Variants in PDGFRL observed in about 807,000 individuals in gnomAD.
The protein encoded by PDGFRL is platelet-derived growth factor receptor-like protein.
PDGFRL carries 46 observed loss-of-function variants against 37.2 expected under a neutral mutation model. The observed-to-expected ratio is 1.24, with a 90% confidence interval of 0.98 to 1.58. The LOEUF (loss-of-function observed/expected upper bound fraction) is 1.58. Among genes scored for constraint, PDGFRL ranks in the 40% most tolerant of loss-of-function variants. The probability of loss-of-function intolerance (pLI) is 0.00; values close to 1 mark genes in which losing one functional copy is unlikely to be tolerated. For synonymous variants in PDGFRL, 251 were observed against 184.3 expected (o/e 1.36, Z -2.93); for missense variants, 692 against 467.6 (o/e 1.48, Z -4.43).
chr8:17,627,521 C>G (rs1804757321), intron 3 of PDGFRL, among the ~76,000 whole-genome samples: 1 of 149,670 alleles, frequency 6.7e-6, no homozygotes, highest in South Asian at 2.1e-4. Flanking sequence ...GGCTGGAGTG[C>G]AGTGGCATGA....
chr8:17,609,634 TAAAAAAAAAAAAAAAAAAA>T (rs3040922), intron 2 of PDGFRL, among the ~76,000 whole-genome samples: 2 of 43,502 alleles, frequency 4.6e-5, no homozygotes, highest in East Asian at 2.1e-3. Context: ...TGAGACTCTG[TAAAAAAAAAAAAAAAAAAA>T]AAAAAAAAAA....
chr8:17,581,774 GCTT>G (rs1162517851), intron 1 of PDGFRL, among the ~76,000 whole-genome samples: 1 of 152,134 alleles, frequency 6.6e-6, no homozygotes, highest in Middle Eastern at 3.2e-3. Flanking sequence ...TTGGTTCCAT[GCTT>G]CTTGTACAGC....
chr8:17,612,528 A>T (rs757448116), intron 2 of PDGFRL, among the ~76,000 whole-genome samples: 5 of 151,382 alleles, frequency 3.3e-5, no homozygotes, highest in Non-Finnish European at 7.4e-5. Context: ...CTGCCACCAT[A>T]CCCGGGTAAT....
chr8:17,630,482 T>C (rs1195998843), intron 4 of PDGFRL, among the ~76,000 whole-genome samples: 12 of 152,134 alleles, frequency 7.9e-5, no homozygotes. Context: ...GCTGGGTGAG[T>C]AAGACAGCCT....
intron 3 of PDGFRL, among the ~76,000 whole-genome samples, chr8:17,621,503 C>G (rs1804633785): frequency 6.6e-6 from 1 of 151,516 alleles, no homozygotes; most frequent in African/African-American, 2.4e-5. Flanking sequence ...GATTTCAACA[C>G]AAACCATTTG....
At chr8:17,634,337 T>C in intron 5 of PDGFRL, 124 bp downstream of exon 5, 1 of 702,920 alleles carries the variant, frequency 1.4e-6, no homozygotes, top group South Asian at 2.1e-5. Context: ...GCAAGAAACA[T>C]GTGGGGCTAT....
Position 17,628,762 on chromosome 8 carries a change from C to G in PDGFRL, c.781C>G (p.Gln261Glu), listed in dbSNP as rs1225280764. The G allele has an allele frequency of 1.9e-6, 3 of 1,613,684 alleles. No homozygotes were observed. The highest frequency in any genetic ancestry group is 2.2e-5 in the East Asian group (1 of 44,870). ...CAGATCTCAGATCTCCGTCAAGTACCAGCTGCTCTATGTGGCGGGTAAGCC... is the reference window on the plus strand; with the variant it reads ...CAGATCTCAGATCTCCGTCAAGTACGAGCTGCTCTATGTGGCGGGTAAGCC... ...GGRSQISVKY[Q>E]LLYVAVPSGP... Residue 261 changes from glutamine (Q) to glutamate (E), a missense_variant, in exon 4 of 6, where the codon CAG becomes GAG. Gln to Glu is a conservative substitution (Grantham distance 29, BLOSUM62 2). Transcript: ENST00000251630.
In PDGFRL at chr8:17,642,757, C is replaced by T. The variant is rs1357769023; in HGVS notation, c.1084C>T (p.Leu362Phe). The change falls in exon 6 of 6, where the codon CTT becomes TTT. Residue 362 changes from leucine to phenylalanine, a missense_variant. Physicochemically the swap from Leu to Phe is conservative, Grantham distance 22. Transcript: ENST00000251630. ...ATATTACATTTGCACTGCTCAGAAT[C>T]TTCAAGGACAGACCACAGTAGCTAC... ...AGYYICTAQNLQGQTTVATTV... is the reference protein window; with the variant it reads ...AGYYICTAQNFQGQTTVATTV... 6.2e-7 allele frequency: 1 copy of T among 1,611,306 alleles called. No individual in the cohort carries two copies. Among genetic ancestry groups the T allele is most frequent in the African/African-American group, 1.3e-5 (1 of 74,874 alleles).
intron 2 of PDGFRL, among the ~76,000 whole-genome samples, chr8:17,607,150 C>T (rs1330639101): frequency 6.6e-6 from 1 of 152,032 alleles, no homozygotes; most frequent in Non-Finnish European, 1.5e-5. Context: ...CCTGCCTTGG[C>T]CTGCGAGTTT....
intron 2 of PDGFRL, among the ~76,000 whole-genome samples, chr8:17,620,024 G>A (rs529704001): frequency 1.4e-4 from 22 of 152,228 alleles, no homozygotes; most frequent in Admixed American, 1.3e-4. Context: ...GTGCAGTGGC[G>A]TGATCATGAC....
chr8:17,604,008 G>A (rs1457617021), intron 2 of PDGFRL, among the ~76,000 whole-genome samples: 1 of 152,160 alleles, frequency 6.6e-6, no homozygotes, highest in Non-Finnish European at 1.5e-5. Context: ...GAGGGAGTGG[G>A]AAGGAGGTTA....
At chr8:17,596,186 A>G in intron 2 of PDGFRL, 1 of 419,480 alleles carries the variant, frequency 2.4e-6, no homozygotes, top group Admixed American at 4.4e-5. Flanking sequence ...TTAGGAGCCC[A>G]CATTCAATCC....
intron 2 of PDGFRL, among the ~76,000 whole-genome samples, chr8:17,614,269 T>C (rs1804479615): frequency 6.6e-6 from 1 of 152,214 alleles, no homozygotes; most frequent in African/African-American, 2.4e-5. Flanking sequence ...ATCATGCATA[T>C]TTTTTCTTTC....
At chr8:17,619,588 G>A (rs963387008) in intron 2 of PDGFRL, among the ~76,000 whole-genome samples, 6 of 152,194 alleles carry the variant, frequency 3.9e-5, no homozygotes, top group African/African-American at 1.4e-4. Context: ...ATCAGCCAAT[G>A]CGTTTTCTTC....
At chr8:17,616,169 A>ATTATTTATTTATTTATTTAT (rs58323480) in intron 2 of PDGFRL, among the ~76,000 whole-genome samples, 4 of 144,214 alleles carry the variant, frequency 2.8e-5, no homozygotes, top group Admixed American at 7.0e-5. Context: ...TATTATTGTT[A>ATTATTTATTTATTTATTTAT]TTATTTATTT....
intron 2 of PDGFRL, among the ~76,000 whole-genome samples, chr8:17,609,384 G>A (rs1804354759): frequency 6.6e-6 from 1 of 151,744 alleles, no homozygotes; most frequent in African/African-American, 2.4e-5. Context: ...GTGGGCACCT[G>A]TAGTCCCAGT....
At chr8:17,593,105 CCTT>C (rs948597676) in intron 2 of PDGFRL, among the ~76,000 whole-genome samples, 22 of 152,210 alleles carry the variant, frequency 1.4e-4, no homozygotes, top group South Asian at 2.1e-4. Context: ...AGGATAGAGT[CCTT>C]CTTAAAGGTG....
intron 2 of PDGFRL, among the ~76,000 whole-genome samples, chr8:17,591,038 A>G (rs1471141030): frequency 2.6e-5 from 4 of 151,918 alleles, no homozygotes; most frequent in African/African-American, 7.2e-5. Flanking sequence ...GCCTGCCACC[A>G]CGCCTGGCTA....
intron 1 of PDGFRL, among the ~76,000 whole-genome samples, chr8:17,581,665 C>T (rs1465507803): frequency 6.6e-6 from 1 of 151,938 alleles, no homozygotes; most frequent in East Asian, 1.9e-4. Context: ...GAGTCTGGTC[C>T]CTCCTCCTCC....
Sources: allele counts gnomAD v4.1 joint callset (sites outside exome capture counted in the v4.1 genomes callset), GRCh38; gene constraint gnomAD v4.1.1; transcripts MANE v1.5; gene names NCBI Gene and HGNC (gene_info 2026-07-23, HGNC 2026-07-21).